The following UNC5D variants were observed in gnomAD, a reference collection of about 807,000 sequenced individuals.
The protein encoded by UNC5D is netrin receptor UNC5D.
In UNC5D, 39 loss-of-function variants were observed where a neutral mutation model predicts 105.4. The ratio of observed to expected loss-of-function variants is 0.37; its 90% CI spans 0.29 to 0.48. The LOEUF is 0.48. UNC5D is among the 20% of genes least tolerant of loss of function. The pLI is 0.98. For missense variants in UNC5D, 991 were observed against 1,202.4 expected, an observed-to-expected ratio of 0.82 and a Z score of 2.60; for synonymous variants, 452 against 450.4, an observed-to-expected ratio of 1.00 and a Z score of -0.04.
rs117666036 is a variant in UNC5D, at chr8:35,725,195, G to C, written c.1304-957G>C. On this transcript the variant is annotated intron_variant, in intron 9 of 16. Transcript: ENST00000404895. ...TAAACATTTTTGTCAGGCCCCAAAG[G>C]AAAATTGTTTAATATGGTTTGGGTT... 3.0e-3 allele frequency among the ~76,000 whole-genome samples: 452 copies of C among 152,218 alleles called. 4 individuals carry two copies. Among genetic ancestry groups the C allele is most frequent in the Middle Eastern group, 3.4e-3 (1 of 294 alleles).
intron 7 of UNC5D, among the ~76,000 whole-genome samples, chr8:35,691,872 G>A (rs537832608): frequency 2.0e-5 from 3 of 152,280 alleles, no homozygotes; most frequent in African/African-American, 7.2e-5. Context: ...AGAGAAGCCA[G>A]CTCCCTCTCT....
At chr8:35,666,203 A>G (rs1824411887) in intron 4 of UNC5D, among the ~76,000 whole-genome samples, 1 of 152,040 alleles carries the variant, frequency 6.6e-6, no homozygotes, top group Non-Finnish European at 1.5e-5. Flanking sequence ...AAGAAATAAT[A>G]TGGAAATGTG....
intron 1 of UNC5D, among the ~76,000 whole-genome samples, chr8:35,417,170 T>C (rs1282211949): frequency 2.6e-5 from 4 of 152,162 alleles, no homozygotes; most frequent in African/African-American, 9.7e-5. Context: ...CTAAGTCTTA[T>C]TTATTCATTT....
intron 1 of UNC5D, among the ~76,000 whole-genome samples, chr8:35,374,299 TAG>T (rs1802572911): frequency 1.3e-5 from 2 of 152,094 alleles, no homozygotes; most frequent in South Asian, 2.1e-4. Flanking sequence ...GATGTGATGT[TAG>T]AGTTTTAAAG....
intron 1 of UNC5D, among the ~76,000 whole-genome samples, chr8:35,285,567 A>T (rs1806533027): frequency 6.6e-6 from 1 of 152,206 alleles, no homozygotes; most frequent in Non-Finnish European, 1.5e-5. Context: ...AAAGGGTAAA[A>T]ATCAAGCTAA....
chr8:35,384,272 G>T (rs565667357), intron 1 of UNC5D, among the ~76,000 whole-genome samples: 1 of 151,976 alleles, frequency 6.6e-6, no homozygotes, highest in South Asian at 2.1e-4. Flanking sequence ...TCTTATATGT[G>T]TATTTATAAA....
At chr8:35,608,412 T>G (rs976512274) in intron 4 of UNC5D, among the ~76,000 whole-genome samples, 2 of 152,208 alleles carry the variant, frequency 1.3e-5, no homozygotes, top group Non-Finnish European at 2.9e-5. Context: ...TTAGCAAACA[T>G]TTATTTTTAA....
chr8:35,767,085 G>C lies in UNC5D; in HGVS notation c.2478+19G>C. The C allele has an allele frequency of 6.3e-7, 1 of 1,592,954 alleles. No homozygotes were observed. Among genetic ancestry groups the C allele is most frequent in the Non-Finnish European group, 8.6e-7 (1 of 1,167,330 alleles). On this transcript the variant is annotated intron_variant, in intron 15 of 16. Coordinates refer to ENST00000404895, the MANE Select transcript of UNC5D (RefSeq NM_080872.4). Reference sequence around the variant, plus strand: ...CCTAGAGGTGAGTCCTTGATCTACAGGTCATTTGACCCCCTTTCTGAAGGA... The same window carrying C: ...CCTAGAGGTGAGTCCTTGATCTACACGTCATTTGACCCCCTTTCTGAAGGA...
chr8:35,749,492 AAAG>A (rs921328040), intron 12 of UNC5D, among the ~76,000 whole-genome samples: 5 of 152,232 alleles, frequency 3.3e-5, no homozygotes, highest in Admixed American at 2.0e-4. Flanking sequence ...ACTTCAGGCC[AAAG>A]AAGTAAAAGG....
chr8:35,662,960 G>T (rs1824201696), intron 4 of UNC5D, among the ~76,000 whole-genome samples: 1 of 152,164 alleles, frequency 6.6e-6, no homozygotes, highest in Non-Finnish European at 1.5e-5. Context: ...AGGGATCTAG[G>T]TAGCACGCTC....
At chr8:35,478,803 A>T (rs764223684) in intron 1 of UNC5D, among the ~76,000 whole-genome samples, 14 of 152,208 alleles carry the variant, frequency 9.2e-5, no homozygotes, top group Admixed American at 6.5e-5. Flanking sequence ...AACATTCTTT[A>T]ACCTGCTTTT....
intron 1 of UNC5D, among the ~76,000 whole-genome samples, chr8:35,418,204 T>C (rs1010540639): frequency 1.3e-5 from 2 of 152,120 alleles, no homozygotes; most frequent in Admixed American, 1.3e-4. Context: ...AGGTCAGTAG[T>C]GTTCAGAAAC....
At chr8:35,387,062 A>G (rs1051457043) in intron 1 of UNC5D, among the ~76,000 whole-genome samples, 7 of 151,960 alleles carry the variant, frequency 4.6e-5, no homozygotes, top group Non-Finnish European at 8.8e-5. Context: ...GGTGCTTGTT[A>G]GAAATGCAGA....
At chr8:35,636,132 T>G (rs919804144) in intron 4 of UNC5D, among the ~76,000 whole-genome samples, 2 of 152,224 alleles carry the variant, frequency 1.3e-5, no homozygotes, top group African/African-American at 4.8e-5. Flanking sequence ...ATATTGCACA[T>G]GCTTGTGATT....
intron 1 of UNC5D, among the ~76,000 whole-genome samples, chr8:35,375,563 C>A (rs1314312222): frequency 2.7e-5 from 4 of 148,126 alleles, no homozygotes; most frequent in Non-Finnish European, 6.0e-5. Flanking sequence ...ATAATAGTAA[C>A]AAATAAGATT....
chr8:35,305,479 AT>A (rs1360247942), intron 1 of UNC5D, among the ~76,000 whole-genome samples: 1 of 152,070 alleles, frequency 6.6e-6, no homozygotes, highest in Non-Finnish European at 1.5e-5. Context: ...TTTTAGTAAA[AT>A]ACCATAGAAT....
intron 3 of UNC5D, among the ~76,000 whole-genome samples, chr8:35,569,708 T>A (rs1817593632): frequency 6.6e-6 from 1 of 151,606 alleles, no homozygotes; most frequent in Admixed American, 6.6e-5. Context: ...AGAGAGAGAA[T>A]ATGTTTGCAT....
intron 1 of UNC5D, among the ~76,000 whole-genome samples, chr8:35,472,477 T>A (rs1449210690): frequency 6.6e-6 from 1 of 152,106 alleles, no homozygotes; most frequent in African/African-American, 2.4e-5. Context: ...CTTTTGATCT[T>A]GATGCTGAGT....
At chr8:35,441,273 G>A (rs1807377608) in intron 1 of UNC5D, among the ~76,000 whole-genome samples, 1 of 151,902 alleles carries the variant, frequency 6.6e-6, no homozygotes. Flanking sequence ...TCCAAAAATA[G>A]GTGAGTACAG....
Sources: allele counts gnomAD v4.1 joint callset (sites outside exome capture counted in the v4.1 genomes callset), GRCh38; gene constraint gnomAD v4.1.1; transcripts MANE v1.5; gene names NCBI Gene and HGNC (gene_info 2026-07-23, HGNC 2026-07-21).